The following ZMYM2 variants were observed in gnomAD, a reference collection of about 807,000 sequenced individuals.
ZMYM2 encodes the protein zinc finger MYM-type containing 2, also known as zinc finger MYM-type protein 2.
A neutral mutation model predicts 162.8 loss-of-function variants in ZMYM2; 56 were observed. The ratio of observed to expected loss-of-function variants is 0.34; its 90% CI spans 0.28 to 0.43. ZMYM2 has a LOEUF of 0.43. Ranked by LOEUF, ZMYM2 falls within the 20% of genes least tolerant of loss-of-function variation. ZMYM2 has a pLI of 1.00. For synonymous variants in ZMYM2, 510 were observed against 541.6 expected (o/e 0.94, Z 0.81); for missense variants, 1,275 against 1,621.8 (o/e 0.79, Z 3.67).
the ZMYM2 span, among the ~76,000 whole-genome samples, chr13:19,887,115 G>GT: frequency 2.0e-5 from 3 of 151,912 alleles, no homozygotes; most frequent in Non-Finnish European, 4.4e-5. Flanking sequence ...TTAAAGAGTG[G>GT]TGGCTTGTTT....
chr13:19,980,937 TG>T (rs1957264402), intron 2 of ZMYM2, among the ~76,000 whole-genome samples: 2 of 152,060 alleles, frequency 1.3e-5, no homozygotes, highest in Admixed American at 1.3e-4. Context: ...GAATTAGGTT[TG>T]TTTTTGTTGG....
the ZMYM2 span, among the ~76,000 whole-genome samples, chr13:19,912,692 A>C: frequency 1.3e-5 from 2 of 152,124 alleles, no homozygotes; most frequent in African/African-American, 2.4e-5. Flanking sequence ...GGTCCATTAC[A>C]TTGATGGTAC....
intron 21 of ZMYM2, among the ~76,000 whole-genome samples, chr13:20,073,594 G>A (rs1415708774): frequency 6.6e-6 from 1 of 152,008 alleles, no homozygotes; most frequent in Non-Finnish European, 1.5e-5. Context: ...TCTTTTTCAG[G>A]AAAGCATTTA....
chr13:20,087,998 G>A lies in ZMYM2; in HGVS notation c.*1984G>A. ...ATCAAGAGCAATAAAGTTTTTCCCA[G>A]GTGTCACTTATTGTATATGTTACCA... On this transcript the variant is annotated 3_prime_UTR_variant, in exon 25 of 25. Transcript: ENST00000610343. 5.1e-6 allele frequency: 1 copy of A among 195,616 alleles called. No individual in the cohort carries two copies. The highest frequency in any genetic ancestry group is 7.9e-5 in the East Asian group (1 of 12,618). The allele number at this position is 195,616 out of a possible 1,614,324, so 12.1% of individuals were successfully genotyped here. A position where few individuals can be genotyped will look rare whatever the true frequency, so the allele number is the denominator to read the frequency against.
At chr13:20,021,318 T>C (rs566457055) in intron 7 of ZMYM2, among the ~76,000 whole-genome samples, 1 of 146,970 alleles carries the variant, frequency 6.8e-6, no homozygotes, top group East Asian at 2.0e-4. Flanking sequence ...TTTCTATAGT[T>C]TGATTTTCTT....
At chr13:19,910,502 C>T in the ZMYM2 span, among the ~76,000 whole-genome samples, 1 of 151,634 alleles carries the variant, frequency 6.6e-6, no homozygotes, top group Non-Finnish European at 1.5e-5. Context: ...CCTGGGAGGG[C>T]CCTGTGGACA....
At chr13:20,044,898 A>C (rs1954615618) in intron 12 of ZMYM2, among the ~76,000 whole-genome samples, 1 of 151,932 alleles carries the variant, frequency 6.6e-6, no homozygotes, top group Admixed American at 6.6e-5. Context: ...AAAAATACAA[A>C]AATTAGCCAT....
At chr13:20,002,464 A>G (rs9578247) in intron 3 of ZMYM2, among the ~76,000 whole-genome samples, 15,654 of 152,222 alleles carry the variant, frequency 0.1, 1,314 homozygotes, top group African/African-American at 0.22. Flanking sequence ...CGATGGAGCT[A>G]GAATGTGAAC....
chr13:20,023,842 G>A (rs1227708748), intron 7 of ZMYM2, among the ~76,000 whole-genome samples: 1 of 152,042 alleles, frequency 6.6e-6, no homozygotes, highest in Non-Finnish European at 1.5e-5. Context: ...TCATTAATTG[G>A]TTCTTTGAGG....
intron 6 of ZMYM2, among the ~76,000 whole-genome samples, chr13:20,009,117 A>G (rs1008238483): frequency 7.2e-5 from 11 of 152,202 alleles, no homozygotes; most frequent in Non-Finnish European, 1.0e-4. Context: ...GACAAAAATC[A>G]GTCATAAGAA....
At chr13:19,988,563 C>G (rs1052815434) in intron 2 of ZMYM2, among the ~76,000 whole-genome samples, 7 of 152,152 alleles carry the variant, frequency 4.6e-5, no homozygotes, top group Admixed American at 6.5e-5. Flanking sequence ...GCGGGTGGAT[C>G]ACGAGGTCAA....
chr13:20,028,808 C>CTT (rs796879715), intron 9 of ZMYM2, among the ~76,000 whole-genome samples: 13 of 140,278 alleles, frequency 9.3e-5, no homozygotes, highest in South Asian at 4.6e-4. Context: ...ATGCAATCAT[C>CTT]TTTTTTTTTT....
chr13:20,052,363 A>C (rs1185364918), intron 14 of ZMYM2, 52 bp downstream of exon 14: 2 of 1,502,316 alleles, frequency 1.3e-6, no homozygotes, highest in Admixed American at 4.4e-5. Flanking sequence ...AATATGGGGT[A>C]AAAAATAATT....
chr13:20,033,113 C>T (rs1197941425), intron 10 of ZMYM2, among the ~76,000 whole-genome samples: 1 of 151,794 alleles, frequency 6.6e-6, no homozygotes, highest in Non-Finnish European at 1.5e-5. Flanking sequence ...AATGAAGGCC[C>T]AGTAAGAGGT....
At chr13:19,892,846 C>G in the ZMYM2 span, among the ~76,000 whole-genome samples, 2 of 151,230 alleles carry the variant, frequency 1.3e-5, no homozygotes, top group African/African-American at 2.4e-5. Context: ...TCCTGAGTAG[C>G]TGGGACTACA....
chr13:20,038,358 T>A (rs1953926550), intron 12 of ZMYM2, among the ~76,000 whole-genome samples: 1 of 152,206 alleles, frequency 6.6e-6, no homozygotes, highest in African/African-American at 2.4e-5. Context: ...CTGGTTCCTA[T>A]GTCCAGAATG....
In ZMYM2 at chr13:19,966,914, A is replaced by G. The variant is rs185641445; in HGVS notation, c.-11+6888A>G. On this transcript the variant is annotated intron_variant, in intron 2 of 24. Coordinates refer to ENST00000610343, the MANE Select transcript of ZMYM2 (RefSeq NM_197968.4). ...TATAGTCCTGTTTCTTAGCCAAATAAGTGTTAACTCCTGCCTAGGAAGTCA... is the reference window on the plus strand; with the variant it reads ...TATAGTCCTGTTTCTTAGCCAAATAGGTGTTAACTCCTGCCTAGGAAGTCA... Among the ~76,000 whole-genome samples, 11 of 152,256 alleles carry G rather than the reference A, an allele frequency of 7.2e-5. No homozygotes were observed. The East Asian group carries it at 2.1e-3, about 29-fold the overall frequency.
In ZMYM2 at chr13:20,086,410, G is replaced by C. The variant is rs1011853630; in HGVS notation, c.*396G>C. 5 of 226,822 alleles carry C rather than the reference G, an allele frequency of 2.2e-5. No individual in the cohort carries two copies. Among genetic ancestry groups the C allele is most frequent in the Non-Finnish European group, 2.6e-5 (3 of 113,986 alleles). 14.1% of individuals were successfully genotyped at this position (226,822 alleles called of 1,614,324 possible). A position where few individuals can be genotyped will look rare whatever the true frequency, so the allele number is the denominator to read the frequency against. On this transcript the variant is annotated 3_prime_UTR_variant, in exon 25 of 25. Coordinates refer to ENST00000610343, the MANE Select transcript of ZMYM2 (RefSeq NM_197968.4). The stretch of plus-strand genomic sequence containing the variant: ...TTACTGGGTTCTTAACCAGATGGTT[G>C]TGTATGGGTAGCACTACTAAAAGTT...
At chr13:20,012,948 A>T (rs1248192084) in intron 6 of ZMYM2, among the ~76,000 whole-genome samples, 1 of 152,186 alleles carries the variant, frequency 6.6e-6, no homozygotes, top group Admixed American at 6.5e-5. Flanking sequence ...GACCCATTCT[A>T]ATTTTATATG....
Sources: gnomAD v4.1 joint callset for allele counts (sites outside exome capture counted in the v4.1 genomes callset) on GRCh38, gnomAD v4.1.1 for gene constraint, MANE v1.5 for transcripts, NCBI Gene and HGNC (gene_info 2026-07-23, HGNC 2026-07-21) for gene names.